Variants in CENPE observed in about 807,000 individuals in gnomAD.
CENPE encodes centromere-associated protein E.
A neutral mutation model predicts 336.1 loss-of-function variants in CENPE; 145 were observed. The observed-to-expected ratio is 0.43, with a 90% CI of 0.38 to 0.50. The LOEUF (loss-of-function observed/expected upper bound fraction) is 0.50, where lower values mean the gene tolerates loss of function less well. CENPE is among the 20% of genes least tolerant of loss of function. The pLI is 0.00. For synonymous variants in CENPE, 1,013 were observed against 984.8 expected (o/e 1.03, Z -0.54); for missense variants, 2,719 against 3,023.3 (o/e 0.90, Z 2.36).
Position 103,120,243 on chromosome 4 carries a change from C to T in CENPE, c.7234G>A (p.Glu2412Lys), listed in dbSNP as rs373447747. Residue 2412 changes from glutamate (E) to lysine (K), a missense_variant, in exon 44 of 49, where the codon GAG (glutamate) becomes AAG (lysine). Physicochemically the swap from Glu to Lys is moderately conservative, Grantham distance 56 (BLOSUM62 1). This residue lies in a region of CENPE where 2,437 missense variants were observed against 2,513.3 expected (regional missense o/e 0.97). Coordinates refer to ENST00000265148, the MANE Select transcript of CENPE (RefSeq NM_001813.3). ...SKIIKMQKEL[E>K]VTNDIIAKLQ... is the part of the protein sequence containing the mutation. Reference sequence around the variant, plus strand: ...TTTGCTATTATGTCATTAGTCACCTCAAGTTCTTTCTGCATCTTTATAATC... The same window carrying T: ...TTTGCTATTATGTCATTAGTCACCTTAAGTTCTTTCTGCATCTTTATAATC... 8.7e-6 allele frequency: 14 copies of T among 1,612,690 alleles called. No homozygotes were observed. The highest frequency in any genetic ancestry group is 5.0e-5 in the Admixed American group (3 of 59,868).
In CENPE at chr4:103,161,318, T is replaced by C; in HGVS notation, c.1965+17A>G. ...CATTACAACTACTTTATTATAAATA[T>C]TACAAAAAATACTTACCATTTTCTC... is the stretch of plus-strand genomic sequence containing the variant. On this transcript the variant is annotated intron_variant, in intron 19 of 48. Transcript: ENST00000265148. The C allele has an allele frequency of 1.2e-6, 2 of 1,605,496 alleles. No individual in the cohort carries two copies. The highest frequency in any genetic ancestry group is 1.7e-6 in the Non-Finnish European group (2 of 1,177,084).
intron 33 of CENPE, 78 bp from the exon 34 acceptor site, chr4:103,143,484 G>A (rs771231801): frequency 3.1e-6 from 3 of 975,520 alleles, no homozygotes; most frequent in Non-Finnish European, 4.7e-6. Context: ...AGGGCAGGAG[G>A]TAAAAATCTT....
In CENPE at chr4:103,145,287, A is replaced by G. The variant is rs1310284264; in HGVS notation, c.4620T>C (p.Ile1540=). The G allele has an allele frequency of 2.5e-6, 4 of 1,600,058 alleles. No individual in the cohort carries two copies. The highest frequency in any genetic ancestry group is 1.1e-5 in the South Asian group (1 of 89,830). ...EKEEQFNIKQ[I]SEVQEKVNEL... ...CATTCACTTTTTCCTGAACCTCACT[A>G]ATTTGTTTTATATTAAATTGTTCCT... Residue 1540 remains isoleucine (I), a synonymous_variant, in exon 32 of 49, where the codon ATT becomes ATC. Transcript: ENST00000265148.
rs17283278 is a variant in CENPE, at chr4:103,185,886, C to G, written c.694-25G>C. The G allele has an allele frequency of 2.0e-6, 3 of 1,530,226 alleles. No individual in the cohort carries two copies. The East Asian group carries it at 6.8e-5, about 35-fold the overall frequency. 94.8% of individuals were successfully genotyped at this position (1,530,226 alleles called of 1,614,324 possible). A position where few individuals can be genotyped will look rare whatever the true frequency, so the allele number is the denominator to read the frequency against. On this transcript the variant is annotated intron_variant, in intron 8 of 48. Coordinates refer to ENST00000265148, the MANE Select transcript of CENPE (RefSeq NM_001813.3). The stretch of plus-strand genomic sequence containing the variant: ...TCTGTAAGATAGATAAAAATAAATC[C>G]TTAGGGCAGATAATTTGAAATAATA...
intron 21 of CENPE, among the ~76,000 whole-genome samples, chr4:103,160,045 T>G (rs1754305760): frequency 6.6e-6 from 1 of 151,918 alleles, no homozygotes; most frequent in Admixed American, 6.6e-5. Flanking sequence ...ACTAAAAAAC[T>G]ACCTATTTTT....
intron 48 of CENPE, among the ~76,000 whole-genome samples, chr4:103,108,564 G>A (rs374659331): frequency 8.0e-5 from 12 of 150,866 alleles, no homozygotes; most frequent in African/African-American, 2.7e-4. Context: ...CTCTTTGGAC[G>A]AAACTAAAGG....
chr4:103,135,587 C>T (rs932825896), intron 40 of CENPE, among the ~76,000 whole-genome samples: 2 of 152,158 alleles, frequency 1.3e-5, no homozygotes, highest in Non-Finnish European at 2.9e-5. Context: ...AGTACAGTCA[C>T]ATATAATATC....
At chr4:103,172,687 C>T (rs188878594) in intron 16 of CENPE, among the ~76,000 whole-genome samples, 2 of 151,880 alleles carry the variant, frequency 1.3e-5, no homozygotes, top group African/African-American at 2.4e-5. Flanking sequence ...ATCCTATATA[C>T]AGAAAACCCT....
rs953247200 is a variant in CENPE, at chr4:103,152,993, C to A, written c.3237+54G>T. 1.9e-5 allele frequency: 25 copies of A among 1,302,748 alleles called. No individual in the cohort carries two copies. In the East Asian group the frequency reaches 2.3e-4, roughly 12 times the overall value. The allele number at this position is 1,302,748 out of a possible 1,614,324, so 80.7% of individuals were successfully genotyped here. A position where few individuals can be genotyped will look rare whatever the true frequency, so the allele number is the denominator to read the frequency against. ...ATACCTCAATAAAGTTGATAAAAAT[C>A]TGAAACAAATGAAGACAAAAAGGTA... is the stretch of plus-strand genomic sequence containing the variant. On this transcript the variant is annotated intron_variant, in intron 25 of 48. Transcript: ENST00000265148.
At chr4:103,185,681 A>G in intron 9 of CENPE, 129 bp downstream of exon 9, 1 of 523,870 alleles carries the variant, frequency 1.9e-6, no homozygotes. Flanking sequence ...GAAAATCACA[A>G]TTAATGATTC....
At chr4:103,137,407 T>C (rs554324539) in intron 39 of CENPE, among the ~76,000 whole-genome samples, 17 of 152,202 alleles carry the variant, frequency 1.1e-4, no homozygotes, top group Non-Finnish European at 2.2e-4. Context: ...GTAACATGTT[T>C]AGTTCAGGCT....
intron 16 of CENPE, among the ~76,000 whole-genome samples, chr4:103,173,213 A>C (rs1387352444): frequency 2.0e-5 from 3 of 152,056 alleles, no homozygotes; most frequent in Non-Finnish European, 4.4e-5. Flanking sequence ...ATATACAGTC[A>C]ACTGATTTTT....
At chr4:103,186,002 T>G (rs772850918) in intron 8 of CENPE, 141 bp from the exon 9 acceptor site, 31 of 516,368 alleles carry the variant, frequency 6.0e-5, no homozygotes, top group Non-Finnish European at 8.7e-5. Context: ...GTTTAGGCAT[T>G]CCCTTTTTTC....
intron 13 of CENPE, among the ~76,000 whole-genome samples, chr4:103,177,809 C>A (rs1287188469): frequency 5.3e-5 from 8 of 151,876 alleles, no homozygotes; most frequent in Admixed American, 3.3e-4. Context: ...CCTTTCCACA[C>A]CCTGCTCTGC....
rs1385538527 is a variant in CENPE at position 103,160,659 on chromosome 4, G to C, written c.2252C>G (p.Ser751Cys). The change falls in exon 21 of 49, where the codon TCT becomes TGT. Residue 751 changes from serine to cysteine, a missense_variant. This residue lies in a region of CENPE where 2,437 missense variants were observed against 2,513.3 expected (regional missense o/e 0.97). Coordinates refer to ENST00000265148, the MANE Select transcript of CENPE (RefSeq NM_001813.3). Reference sequence around the variant, plus strand: ...CAGCCTTTCTACTTCAGAAGGTAAAGATTTCAATTCTGAAAGCAAAATGAC... The same window carrying C: ...CAGCCTTTCTACTTCAGAAGGTAAACATTTCAATTCTGAAAGCAAAATGAC... ...EEVILLSELK[S>C]LPSEVERLRK... 6.2e-7 allele frequency: 1 copy of C among 1,610,608 alleles called. No individual in the cohort carries two copies. The highest frequency in any genetic ancestry group is 2.2e-5 in the East Asian group (1 of 44,664).
intron 28 of CENPE, 59 bp from the exon 29 acceptor site, chr4:103,147,705 T>C (rs1753177244): frequency 6.6e-7 from 1 of 1,505,800 alleles, no homozygotes; most frequent in Non-Finnish European, 8.9e-7. Flanking sequence ...ATAATTTTTT[T>C]TTTTTTGAGA....
chr4:103,140,495 C>A, intron 36 of CENPE, 81 bp from the exon 37 acceptor site: 1 of 1,044,218 alleles, frequency 9.6e-7, no homozygotes, highest in Non-Finnish European at 1.4e-6. Flanking sequence ...TAAACAAAAT[C>A]TTAAAAATTA....
chr4:103,195,845 G>A (rs1757691647), intron 4 of CENPE, 75 bp downstream of exon 4: 6 of 870,016 alleles, frequency 6.9e-6, no homozygotes, highest in African/African-American at 1.7e-5. Context: ...CTTTACAAGA[G>A]AAATACACTA....
At chr4:103,189,069 T>C (rs1184394066) in intron 8 of CENPE, among the ~76,000 whole-genome samples, 2 of 152,092 alleles carry the variant, frequency 1.3e-5, no homozygotes, top group African/African-American at 2.4e-5. Flanking sequence ...GCTGGACACA[T>C]ACACCCTCCC....
Sources: allele counts gnomAD v4.1 joint callset (sites outside exome capture counted in the v4.1 genomes callset), GRCh38; gene constraint gnomAD v4.1.1; regional missense constraint gnomAD v4.1.1; transcripts MANE v1.5; gene names NCBI Gene and HGNC (gene_info 2026-07-23, HGNC 2026-07-21).